Variants in GPR141 observed in about 807,000 individuals in gnomAD.
GPR141 encodes G protein-coupled receptor 141, also known as probable G protein-coupled receptor 141.
A neutral mutation model predicts 6.8 loss-of-function variants in GPR141; 6 were observed. The ratio of observed to expected loss-of-function variants is 0.88; its 90% CI spans 0.48 to 1.74. GPR141 has a LOEUF of 1.74. Ranked by LOEUF, GPR141 falls within the 40% of genes most tolerant of loss-of-function variation. The probability of loss-of-function intolerance (pLI) is 0.01; values close to 1 mark genes in which losing one functional copy is unlikely to be tolerated. For missense variants in GPR141, 372 were observed against 372.9 expected, an observed-to-expected ratio of 1.00 and a Z score of 0.02; for synonymous variants, 140 against 142.3, an observed-to-expected ratio of 0.98 and a Z score of 0.11.
intron 2 of GPR141, among the ~76,000 whole-genome samples, chr7:37,704,859 A>C (rs1810451939): frequency 6.6e-6 from 1 of 152,102 alleles, no homozygotes; most frequent in Non-Finnish European, 1.5e-5. Context: ...CTTTCTACTT[A>C]TTTTTAACTC....
intron 2 of GPR141, among the ~76,000 whole-genome samples, chr7:37,686,722 G>T (rs773613621): frequency 3.3e-5 from 5 of 152,138 alleles, no homozygotes; most frequent in Non-Finnish European, 7.3e-5. Flanking sequence ...TAGTTGCTAA[G>T]TCCAAAGATG....
At chr7:37,690,877 G>A (rs997491216) in intron 2 of GPR141, among the ~76,000 whole-genome samples, 26 of 151,924 alleles carry the variant, frequency 1.7e-4, no homozygotes, top group African/African-American at 5.8e-4. Flanking sequence ...GTTTATTTTC[G>A]CTCTATATCA....
intron 2 of GPR141, among the ~76,000 whole-genome samples, chr7:37,702,814 A>AAAAAT (rs374545818): frequency 0.15 from 21,696 of 144,944 alleles, 1,730 homozygotes; most frequent in East Asian, 0.23. Flanking sequence ...TTCAAAAAAA[A>AAAAAT]AAATAAATAA....
intron 2 of GPR141, among the ~76,000 whole-genome samples, chr7:37,687,271 T>C (rs759561967): frequency 2.6e-5 from 4 of 152,064 alleles, no homozygotes; most frequent in Non-Finnish European, 5.9e-5. Context: ...ATCTAGTATA[T>C]GATTCATTCA....
chr7:37,732,234 T>C (rs1163856023), intron 2 of GPR141, among the ~76,000 whole-genome samples: 1 of 149,258 alleles, frequency 6.7e-6, no homozygotes, highest in Non-Finnish European at 1.5e-5. Context: ...ACCTCTCTTT[T>C]TGTTATTAGG....
chr7:37,718,507 G>A (rs942520126), intron 2 of GPR141, among the ~76,000 whole-genome samples: 16 of 143,832 alleles, frequency 1.1e-4, no homozygotes, highest in Non-Finnish European at 2.4e-4. Flanking sequence ...GTGAGACTCT[G>A]TCTCGAAGGA....
intron 2 of GPR141, among the ~76,000 whole-genome samples, chr7:37,719,839 A>C (rs1358395412): frequency 1.3e-5 from 2 of 152,118 alleles, no homozygotes; most frequent in Non-Finnish European, 2.9e-5. Context: ...GAATGAGCTT[A>C]TTGGAAGAGA....
At chr7:37,697,698 C>T (rs1810088834) in intron 2 of GPR141, among the ~76,000 whole-genome samples, 2 of 152,200 alleles carry the variant, frequency 1.3e-5, no homozygotes, top group Non-Finnish European at 2.9e-5. Context: ...CACTCAGGCA[C>T]ATTAAGGCAG....
intron 2 of GPR141, among the ~76,000 whole-genome samples, chr7:37,691,899 A>G (rs1321147128): frequency 2.6e-5 from 4 of 151,970 alleles, no homozygotes; most frequent in African/African-American, 7.3e-5. Flanking sequence ...TCTAACGGGG[A>G]TTCCTTTAGA....
intron 2 of GPR141, among the ~76,000 whole-genome samples, chr7:37,718,580 G>GA (rs1386994076): frequency 2.0e-5 from 3 of 151,982 alleles, no homozygotes; most frequent in African/African-American, 2.4e-5. Flanking sequence ...AGGGATTCTA[G>GA]AAAAGAAGGT....
intron 2 of GPR141, among the ~76,000 whole-genome samples, chr7:37,726,416 G>T (rs1811627935): frequency 1.3e-5 from 2 of 152,142 alleles, no homozygotes; most frequent in Admixed American, 6.6e-5. Context: ...AGTTAATGTG[G>T]CTGAATCCCA....
chr7:37,713,443 T>G (rs1810903800), intron 2 of GPR141: 1 of 152,212 alleles, frequency 6.6e-6, no homozygotes. Context: ...TGAGCCACTG[T>G]GCCTGGCCTG....
At chr7:37,728,962 G>A (rs1811775761) in intron 2 of GPR141, among the ~76,000 whole-genome samples, 1 of 152,160 alleles carries the variant, frequency 6.6e-6, no homozygotes, top group South Asian at 2.1e-4. Flanking sequence ...CATTGATGAT[G>A]CAATTTGGAC....
intron 2 of GPR141, among the ~76,000 whole-genome samples, chr7:37,720,672 C>T (rs1292856563): frequency 1.4e-5 from 2 of 146,992 alleles, no homozygotes; most frequent in African/African-American, 2.5e-5. Context: ...ACCCGGAAGG[C>T]GGAGCTTGCA....
chr7:37,690,644 C>T (rs1809715336), intron 2 of GPR141, among the ~76,000 whole-genome samples: 1 of 151,906 alleles, frequency 6.6e-6, no homozygotes, highest in Admixed American at 6.6e-5. Flanking sequence ...TTATTCATTT[C>T]TAGATTATTT....
chr7:37,722,983 T>TTCCTTCC (rs1811423022), intron 2 of GPR141, among the ~76,000 whole-genome samples: 4 of 104,966 alleles, frequency 3.8e-5, no homozygotes, highest in South Asian at 3.2e-4. Context: ...TCCTTCCTTC[T>TTCCTTCC]TTCTTTCTTT....
intron 2 of GPR141, among the ~76,000 whole-genome samples, chr7:37,691,287 C>CT (rs1562764851): frequency 0.015 from 1,426 of 93,632 alleles, 82 homozygotes; most frequent in East Asian, 0.027. Flanking sequence ...CAGTCTATAT[C>CT]CTTTTTTTTT....
chr7:37,702,159 T>C (rs1409578371), intron 2 of GPR141, among the ~76,000 whole-genome samples: 2 of 152,188 alleles, frequency 1.3e-5, no homozygotes, highest in Non-Finnish European at 2.9e-5. Flanking sequence ...TTCTAAGTAA[T>C]TTTTAGACAT....
intron 2 of GPR141, among the ~76,000 whole-genome samples, chr7:37,708,107 T>G (rs1810608389): frequency 6.6e-6 from 1 of 152,042 alleles, no homozygotes; most frequent in Non-Finnish European, 1.5e-5. Flanking sequence ...GATATAGAAG[T>G]TAGCTCATTG....
Sources: gnomAD v4.1 joint callset for allele counts (sites outside exome capture counted in the v4.1 genomes callset) on GRCh38, gnomAD v4.1.1 for gene constraint, MANE v1.5 for transcripts, NCBI Gene and HGNC (gene_info 2026-07-23, HGNC 2026-07-21) for gene names.